The following WDR35 variants were observed in gnomAD, a reference collection of about 807,000 sequenced individuals.
The protein encoded by WDR35 is WD repeat domain 35, also known as WD repeat-containing protein 35.
WDR35 carries 118 observed loss-of-function variants against 158.3 expected under a neutral mutation model. That is an observed-to-expected ratio of 0.75 (90% CI 0.64 to 0.87). WDR35 has a LOEUF of 0.87. Among genes scored for constraint, WDR35 ranks in the 40% least tolerant of loss-of-function variants. The pLI is 0.00. For missense variants in WDR35, 1,263 were observed against 1,405.8 expected (o/e 0.90, Z 1.62); for synonymous variants, 448 against 476.1 (o/e 0.94, Z 0.77).
chr2:19,916,426 A>T (rs796078326), intron 25 of WDR35, among the ~76,000 whole-genome samples: 2 of 152,296 alleles, frequency 1.3e-5, no homozygotes, highest in South Asian at 4.1e-4. Flanking sequence ...GAAGCCAGGG[A>T]GCCAAGGGGT....
Position 19,953,866 on chromosome 2 carries a change from C to G in WDR35, c.1368G>C (p.Gln456His), listed in dbSNP as rs1432572138. The change falls in exon 12 of 27, where the codon CAG becomes CAC. Residue 456 changes from glutamine (Q) to histidine (H), a missense_variant. By Grantham distance (24) the Gln-to-His change is conservative (BLOSUM62 0). Coordinates refer to ENST00000281405, the MANE Select transcript of WDR35 (RefSeq NM_020779.4). ...TCCCTTCTTTTCGAGACCGTGTGATCTGATTAATTTCCAATGCTGTGAGCT... is the reference window on the plus strand; with the variant it reads ...TCCCTTCTTTTCGAGACCGTGTGATGTGATTAATTTCCAATGCTGTGAGCT... ...AKKLTALEINQITRSRKEGRE... is the reference protein window; with the variant it reads ...AKKLTALEINHITRSRKEGRE... 1 of 1,614,112 alleles carries G rather than the reference C, an allele frequency of 6.2e-7. No individual in the cohort carries two copies.
At chr2:19,989,432 T>C (rs536002876) in intron 1 of WDR35, 150 bp from the exon 2 acceptor site, 8 of 742,914 alleles carry the variant, frequency 1.1e-5, no homozygotes, top group South Asian at 7.4e-5. Context: ...ATGGGCATGG[T>C]CCCCTGAACT....
chr2:19,925,084 G>C (rs1670314877), intron 25 of WDR35, among the ~76,000 whole-genome samples: 1 of 152,208 alleles, frequency 6.6e-6, no homozygotes, highest in Non-Finnish European at 1.5e-5. Flanking sequence ...CCCCGCCACA[G>C]CCAGTAGTGC....
chr2:19,988,379 C>A (rs563140651), intron 2 of WDR35, among the ~76,000 whole-genome samples: 138 of 152,290 alleles, frequency 9.1e-4, no homozygotes, highest in African/African-American at 3.2e-3. Flanking sequence ...GGCCCCATCC[C>A]GGGTCTATTG....
At chr2:19,925,511 G>A (rs567735919) in intron 25 of WDR35, among the ~76,000 whole-genome samples, 19 of 152,276 alleles carry the variant, frequency 1.2e-4, no homozygotes, top group East Asian at 5.8e-4. Flanking sequence ...ATACAGGAGC[G>A]GACATTTCAA....
At chr2:19,983,397 T>C (rs144927337) in intron 2 of WDR35, among the ~76,000 whole-genome samples, 1 of 152,276 alleles carries the variant, frequency 6.6e-6, no homozygotes, top group East Asian at 1.9e-4. Context: ...AGAAAAACTA[T>C]GAAGTATTTG....
At position 19,914,190 on chromosome 2, in the gene WDR35, A is replaced by C. The variant is rs1222552342; in HGVS notation, c.3209T>G (p.Phe1070Cys). Residue 1070 changes from phenylalanine to cysteine, a missense_variant, in exon 26 of 27, where the codon TTT (phenylalanine) becomes TGT (cysteine). Physicochemically the swap from Phe to Cys is radical, Grantham distance 205. Transcript: ENST00000281405. ...LALCACASRA[F>C]GTCSKAFIKL... is the part of the protein sequence containing the mutation. ...AATGAAAGCTTTTGAACAAGTCCCA[A>C]AGGCTCTGCTGGCGCATGCGCAGAG... The C allele has an allele frequency of 6.2e-7, 1 of 1,614,212 alleles. No individual in the cohort carries two copies.
In WDR35 at chr2:19,938,218, A is replaced by G. The variant is rs755033944; in HGVS notation, c.2063+47T>C. The G allele has an allele frequency of 3.1e-6, 5 of 1,613,160 alleles. No individual in the cohort carries two copies. In the South Asian group the frequency reaches 5.5e-5, roughly 18 times the overall value. ...AGCAGAGGGACAAAACTGAGACTTT[A>G]AAAACCTACACCTGACATCCTGGGA... On this transcript the variant is annotated intron_variant, in intron 18 of 26. Transcript: ENST00000281405.
intron 5 of WDR35, among the ~76,000 whole-genome samples, chr2:19,977,289 T>C (rs770378604): frequency 1.3e-5 from 2 of 152,254 alleles, no homozygotes; most frequent in African/African-American, 2.4e-5. Context: ...ATGGTCTGGA[T>C]AGATTTACTT....
intron 11 of WDR35, among the ~76,000 whole-genome samples, chr2:19,959,340 T>G (rs1671555157): frequency 6.6e-6 from 1 of 152,088 alleles, no homozygotes; most frequent in African/African-American, 2.4e-5. Flanking sequence ...AGAAAAAGCA[T>G]ATAATCTGAA....
chr2:19,931,182 C>G, intron 24 of WDR35, 87 bp downstream of exon 24: 1 of 1,442,602 alleles, frequency 6.9e-7, no homozygotes, highest in Non-Finnish European at 9.4e-7. Flanking sequence ...ATTAAATGAC[C>G]TATCCATAAA....
Position 19,932,407 on chromosome 2 carries a change from T to G in WDR35, c.2699A>C (p.Lys900Thr). The G allele has an allele frequency of 6.2e-7, 1 of 1,613,362 alleles. No individual in the cohort carries two copies. The change falls in exon 23 of 27, where the codon AAA becomes ACA. Residue 900 changes from lysine to threonine, a missense_variant. Physicochemically the swap from Lys to Thr is moderately conservative, Grantham distance 78. Transcript: ENST00000281405. Reference protein sequence around the residue: ...AVELAKNHSMKEIGSLLARYA... With the variant: ...AVELAKNHSMTEIGSLLARYA... Reference sequence around the variant, plus strand: ...CCTAGCTAACAGAGATCCAATTTCTTTCATACTATGATTTTTAGCCAATTC... The same window carrying G: ...CCTAGCTAACAGAGATCCAATTTCTGTCATACTATGATTTTTAGCCAATTC...
chr2:19,923,540 C>T (rs190701194), intron 25 of WDR35, among the ~76,000 whole-genome samples: 11 of 152,250 alleles, frequency 7.2e-5, no homozygotes, highest in East Asian at 5.8e-4. Flanking sequence ...AAAGCTAAAG[C>T]GGTAAAGGAG....
chr2:19,972,810 A>T (rs1484922357), intron 8 of WDR35, among the ~76,000 whole-genome samples: 1 of 152,248 alleles, frequency 6.6e-6, no homozygotes, highest in East Asian at 1.9e-4. Context: ...ATAAAAGCCA[A>T]CAGGGTATTC....
At chr2:19,964,804 A>C (rs1671795722) in intron 10 of WDR35, among the ~76,000 whole-genome samples, 1 of 151,972 alleles carries the variant, frequency 6.6e-6, no homozygotes, top group South Asian at 2.1e-4. Flanking sequence ...CTCCAGCCAA[A>C]GTTTTCATTA....
intron 10 of WDR35, among the ~76,000 whole-genome samples, chr2:19,964,007 G>T (rs1671752991): frequency 6.6e-6 from 1 of 152,162 alleles, no homozygotes. Flanking sequence ...GCCTCCCAAA[G>T]TGCTGGGCTA....
At chr2:19,924,431 G>T (rs1303144615) in intron 25 of WDR35, among the ~76,000 whole-genome samples, 1 of 152,152 alleles carries the variant, frequency 6.6e-6, no homozygotes, top group East Asian at 1.9e-4. Context: ...GGGTGTGGTG[G>T]CGGGCGCCTG....
At chr2:19,976,688 C>CTTTTT (rs34211947) in intron 5 of WDR35, among the ~76,000 whole-genome samples, 18 of 139,436 alleles carry the variant, frequency 1.3e-4, no homozygotes, top group African/African-American at 4.8e-4. Context: ...CCAATTGATA[C>CTTTTT]TTTTTTTTTT....
At chr2:19,922,567 G>A (rs1670201681) in intron 25 of WDR35, among the ~76,000 whole-genome samples, 1 of 151,758 alleles carries the variant, frequency 6.6e-6, no homozygotes, top group Non-Finnish European at 1.5e-5. Flanking sequence ...GGGGCCTGTA[G>A]GGGGTGGGGG....
Sources: allele counts gnomAD v4.1 joint callset (sites outside exome capture counted in the v4.1 genomes callset), GRCh38; gene constraint gnomAD v4.1.1; transcripts MANE v1.5; gene names NCBI Gene and HGNC (gene_info 2026-07-23, HGNC 2026-07-21).